Variants in LMOD1 observed in about 807,000 individuals in gnomAD.
The protein encoded by LMOD1 is leiomodin 1.
A neutral mutation model predicts 36.5 loss-of-function variants in LMOD1; 8 were observed. The ratio of observed to expected loss-of-function variants is 0.22; its 90% CI spans 0.13 to 0.40. LMOD1 has a LOEUF of 0.40. Among genes scored for constraint, LMOD1 ranks in the 10% least tolerant of loss-of-function variants. LMOD1 has a pLI of 1.00. For synonymous variants in LMOD1, 284 were observed against 288.7 expected (o/e 0.98, Z 0.17); for missense variants, 630 against 751.1 (o/e 0.84, Z 1.88).
At chr1:201,914,830 C>G (rs1681573362) in intron 1 of LMOD1, among the ~76,000 whole-genome samples, 1 of 151,700 alleles carries the variant, frequency 6.6e-6, no homozygotes, top group Admixed American at 6.6e-5. Flanking sequence ...GCCTCTCCCT[C>G]TTTCCTGGCC....
intron 1 of LMOD1, among the ~76,000 whole-genome samples, chr1:201,945,339 C>T (rs1682185555): frequency 6.6e-6 from 1 of 152,166 alleles, no homozygotes; most frequent in South Asian, 2.1e-4. Flanking sequence ...ATCTTCAACC[C>T]CCAGCAAAGC....
chr1:201,924,701 G>T (rs1364553540), intron 1 of LMOD1, among the ~76,000 whole-genome samples: 2 of 126,426 alleles, frequency 1.6e-5, no homozygotes, highest in Non-Finnish European at 3.5e-5. Flanking sequence ...AAGAAAGAAA[G>T]AAAGAAAGAA....
In LMOD1 at chr1:201,899,101, C is replaced by A. The variant is rs1182596736; in HGVS notation, c.1776+136G>T. The A allele has an allele frequency of 1.3e-6, 1 of 749,134 alleles. No individual in the cohort carries two copies. 46.4% of individuals were successfully genotyped at this position (749,134 alleles called of 1,614,324 possible). On this transcript the variant is annotated intron_variant, in intron 2 of 2. Coordinates refer to ENST00000367288, the MANE Select transcript of LMOD1 (RefSeq NM_012134.3). The surrounding 1 kb of genome is among the most constrained non-coding windows in gnomAD (Gnocchi z 6.3). ...GAGGATGCATGAGATGACCTGAAGT[C>A]CCCTATGGGCCCTGGGAGTCTATAT...
chr1:201,938,021 G>A (rs1682046034), intron 1 of LMOD1, among the ~76,000 whole-genome samples: 1 of 152,028 alleles, frequency 6.6e-6, no homozygotes, highest in African/African-American at 2.4e-5. Flanking sequence ...GGAAACTAAT[G>A]TTCATGGGCC....
chr1:201,913,723 G>A (rs1002068828), intron 1 of LMOD1, among the ~76,000 whole-genome samples: 1 of 152,226 alleles, frequency 6.6e-6, no homozygotes, highest in Non-Finnish European at 1.5e-5. Flanking sequence ...GTGGGCAAGA[G>A]TGAGGCTTAA....
At chr1:201,905,377 T>C (rs1565972) in intron 1 of LMOD1, among the ~76,000 whole-genome samples, 151,455 of 152,360 alleles carry the variant, frequency 0.99, 75,283 homozygotes, top group East Asian at 1. Context: ...GTTTAATGCC[T>C]TTGATAGGTT....
intron 1 of LMOD1, among the ~76,000 whole-genome samples, chr1:201,915,095 A>G (rs1681580197): frequency 6.6e-6 from 1 of 152,136 alleles, no homozygotes; most frequent in Admixed American, 6.5e-5. Flanking sequence ...TATTTCATAT[A>G]TTGCTCAAAC....
At position 201,898,312 on chromosome 1, in the gene LMOD1, CCCTGGGAGGTGAGG is replaced by C; in HGVS notation, c.*46_*59del. ...GATGGGGTGGGCAGGGTCTGTGTAG[CCCTGGGAGGTGAGG>C]CCTGAGCAGTCATGGCATTGGCAGA... On this transcript the variant is annotated 3_prime_UTR_variant, in exon 3 of 3. Coordinates refer to ENST00000367288, the MANE Select transcript of LMOD1 (RefSeq NM_012134.3). 5.7e-6 allele frequency: 9 copies of C among 1,572,340 alleles called. No homozygotes were observed. The highest frequency in any genetic ancestry group is 6.1e-6 in the Non-Finnish European group (7 of 1,150,014).
intron 1 of LMOD1, among the ~76,000 whole-genome samples, chr1:201,944,724 TGGTGG>T (rs1158628299): frequency 2.0e-4 from 5 of 25,540 alleles, no homozygotes; most frequent in Non-Finnish European, 3.8e-4. Flanking sequence ...TAAACATAGG[TGGTGG>T]GGCGGGGGGG....
chr1:201,922,309 C>T (rs1681719848), intron 1 of LMOD1, among the ~76,000 whole-genome samples: 1 of 152,186 alleles, frequency 6.6e-6, no homozygotes, highest in African/African-American at 2.4e-5. Flanking sequence ...AGCAGCATTA[C>T]TCCTATTAGC....
chr1:201,896,681 C>T lies in LMOD1; in HGVS notation c.*1691G>A, dbSNP rs180947564. 68 of 456,710 alleles carry T rather than the reference C, an allele frequency of 1.5e-4. No homozygotes were observed. The highest frequency in any genetic ancestry group is 9.6e-4 in the African/African-American group (48 of 50,200). 28.3% of individuals were successfully genotyped at this position (456,710 alleles called of 1,614,324 possible). The stretch of plus-strand genomic sequence containing the variant: ...TGGAAGCTCTAGCTGGCCTTAGCTC[C>T]AGCTCATACCCTTTAGGTCCAGGAG... On this transcript the variant is annotated 3_prime_UTR_variant, in exon 3 of 3. Coordinates refer to ENST00000367288, the MANE Select transcript of LMOD1 (RefSeq NM_012134.3).
At chr1:201,902,779 C>CGGT (rs1681353513) in intron 1 of LMOD1, among the ~76,000 whole-genome samples, 1 of 152,140 alleles carries the variant, frequency 6.6e-6, no homozygotes, top group Non-Finnish European at 1.5e-5. Context: ...ATAAGCCACC[C>CGGT]ACACCTCCAT....
chr1:201,939,946 C>T (rs1011384463), intron 1 of LMOD1, among the ~76,000 whole-genome samples: 4 of 152,102 alleles, frequency 2.6e-5, no homozygotes, highest in African/African-American at 9.7e-5. Flanking sequence ...CAGATAAGAC[C>T]GGGGCTTTGT....
chr1:201,924,683 A>AAGAAAGAG (rs1488224969), intron 1 of LMOD1, among the ~76,000 whole-genome samples: 5 of 47,350 alleles, frequency 1.1e-4, no homozygotes, highest in African/African-American at 2.3e-4. Context: ...GAAAGAAAGA[A>AAGAAAGAG]AGAAAGAAAG....
In LMOD1 at chr1:201,900,652, G is replaced by T. The variant is rs750951403; in HGVS notation, c.361C>A (p.Leu121Met). The T allele has an allele frequency of 1.9e-6, 3 of 1,613,660 alleles. No individual in the cohort carries two copies. Among genetic ancestry groups the T allele is most frequent in the South Asian group, 1.1e-5 (1 of 91,076 alleles). The change falls in exon 2 of 3, where the codon CTG becomes ATG. Residue 121 changes from leucine (L) to methionine (M), a missense_variant. Leu to Met is a conservative substitution (Grantham distance 15). Transcript: ENST00000367288. ...KALGPRRDSD[L>M]GKEPKRGGLK... The stretch of plus-strand genomic sequence containing the variant: ...CCACCCCTCTTTGGCTCCTTCCCCA[G>T]ATCTGAGTCCCGTCTGGGGCCCAGG...
chr1:201,921,346 G>A (rs1681699293), intron 1 of LMOD1, among the ~76,000 whole-genome samples: 1 of 151,292 alleles, frequency 6.6e-6, no homozygotes, highest in Admixed American at 6.6e-5. Context: ...AAATTAGCTG[G>A]GCATGGTGGT....
chr1:201,937,725 T>C (rs572380650), intron 1 of LMOD1, among the ~76,000 whole-genome samples: 1 of 152,252 alleles, frequency 6.6e-6, no homozygotes, highest in South Asian at 2.1e-4. Context: ...AAGATCATGC[T>C]ACTGCACTCC....
chr1:201,909,581 C>CTGACA (rs1553296460), intron 1 of LMOD1, among the ~76,000 whole-genome samples: 11 of 152,156 alleles, frequency 7.2e-5, no homozygotes, highest in Non-Finnish European at 1.5e-4. Flanking sequence ...GTCCCCATCC[C>CTGACA]TGGTCGCCAG....
intron 1 of LMOD1, among the ~76,000 whole-genome samples, chr1:201,927,124 C>T (rs1293186211): frequency 6.6e-6 from 1 of 152,132 alleles, no homozygotes; most frequent in East Asian, 1.9e-4. Flanking sequence ...AATATCATGT[C>T]TGTGTTCTTT....
Sources: allele counts gnomAD v4.1 joint callset (sites outside exome capture counted in the v4.1 genomes callset), GRCh38; gene constraint gnomAD v4.1.1; non-coding constraint Gnocchi (gnomAD v3.1); transcripts MANE v1.5; gene names NCBI Gene and HGNC (gene_info 2026-07-23, HGNC 2026-07-21).